Variants in IL6R observed in about 807,000 individuals in gnomAD.
IL6R encodes the protein interleukin 6 receptor.
A neutral mutation model predicts 48.3 loss-of-function variants in IL6R; 38 were observed. The ratio of observed to expected loss-of-function variants is 0.79; its 90% CI spans 0.61 to 1.03. The LOEUF (loss-of-function observed/expected upper bound fraction) is 1.03. Among genes scored for constraint, IL6R ranks in the 50% least tolerant of loss-of-function variants. The pLI is 0.00. For synonymous variants in IL6R, 264 were observed against 256.2 expected (o/e 1.03, Z -0.29); for missense variants, 534 against 618.3 (o/e 0.86, Z 1.45).
Position 154,434,509 on chromosome 1 carries a change from T to C in IL6R, c.459-10T>C, listed in dbSNP as rs1252783017. On this transcript the variant is annotated splice_polypyrimidine_tract_variant and intron_variant, in intron 3 of 9. Coordinates refer to ENST00000368485, the MANE Select transcript of IL6R (RefSeq NM_000565.4). ...ACAGGCAAGCCCTGCCCTTGTTTTG[T>C]GTCTAACAGTCAGAACAGTCCGGCC... 6.2e-7 allele frequency: 1 copy of C among 1,609,750 alleles called. No individual in the cohort carries two copies. Among genetic ancestry groups the C allele is most frequent in the African/African-American group, 1.3e-5 (1 of 74,842 alleles).
intron 6 of IL6R, chr1:154,445,069 G>T: frequency 2.2e-6 from 1 of 456,128 alleles, no homozygotes; most frequent in South Asian, 1.5e-5. Context: ...AGACCATCCC[G>T]GGTGGCATTT....
Position 154,405,529 on chromosome 1 carries a change from G to GACCCC in IL6R, c.-101_-100insACCCC. 2.3e-5 allele frequency: 9 copies of GACCCC among 388,508 alleles called. No homozygotes were observed. The highest frequency in any genetic ancestry group is 9.8e-5 in the South Asian group (4 of 40,874). 24.1% of individuals were successfully genotyped at this position (388,508 alleles called of 1,614,324 possible). A position where few individuals can be genotyped will look rare whatever the true frequency, so the allele number is the denominator to read the frequency against. Reference sequence around the variant, plus strand: ...CTGCCCCCGGGGCCTGAGCCCGCCTGCCCGCCCACCGCCCCGCCCCGCCCC... The same window carrying GACCCC: ...CTGCCCCCGGGGCCTGAGCCCGCCTGACCCCCCCGCCCACCGCCCCGCCCCGCCCC... On this transcript the variant is annotated 5_prime_UTR_variant, in exon 1 of 10. Coordinates refer to ENST00000368485, the MANE Select transcript of IL6R (RefSeq NM_000565.4). This position sits in a 1 kb window ranked among gnomAD's most constrained non-coding sequence, Gnocchi z 5.2.
chr1:154,459,739 T>C (rs1479441242), intron 9 of IL6R, among the ~76,000 whole-genome samples: 1 of 152,126 alleles, frequency 6.6e-6, no homozygotes, highest in East Asian at 1.9e-4. Context: ...CCCACCCTAT[T>C]CTCTGTCCCC....
Position 154,454,533 on chromosome 1 carries a change from G to T in IL6R, c.1112G>T (p.Gly371Val). Residue 371 changes from glycine to valine, a missense_variant, in exon 9 of 10, where the codon GGA becomes GTA. Gly to Val is a moderately radical substitution (Grantham distance 109). Transcript: ENST00000368485. ...SVPLPTFLVAGGSLAFGTLLC... is the reference protein window; with the variant it reads ...SVPLPTFLVAVGSLAFGTLLC... The stretch of plus-strand genomic sequence containing the variant: ...CCACTGCCCACATTCCTGGTTGCTG[G>T]AGGGAGCCTGGCCTTCGGAACGCTC... 2 of 1,613,906 alleles carry T rather than the reference G, an allele frequency of 1.2e-6. No homozygotes were observed. The highest frequency in any genetic ancestry group is 1.7e-6 in the Non-Finnish European group (2 of 1,179,906).
intron 6 of IL6R, 110 bp from the exon 7 acceptor site, chr1:154,448,015 G>C: frequency 1.1e-6 from 1 of 886,886 alleles, no homozygotes; most frequent in Non-Finnish European, 1.9e-6. Context: ...AGCCCATGCT[G>C]TTCTTTTAAA....
At position 154,447,441 on chromosome 1, in the gene IL6R, AAAAAAAAAAAAAAATATATATAT is replaced by A. The variant is rs1218461304; in HGVS notation, c.950-682_950-660del. ...GCAAAAGAGTGAAACTCCATCTCAA[AAAAAAAAAAAAAAATATATATAT>A]ATATATATATATACACACACACACA... On this transcript the variant is annotated intron_variant, in intron 6 of 9. Transcript: ENST00000368485. Among the ~76,000 whole-genome samples, 26 of 60,782 alleles carry A rather than the reference AAAAAAAAAAAAAAATATATATAT, an allele frequency of 4.3e-4. 2 individuals are homozygous for A. Among genetic ancestry groups the A allele is most frequent in the African/African-American group, 1.7e-3 (24 of 13,854 alleles). 39.9% of individuals were successfully genotyped at this position (60,782 alleles called of 152,430 possible).
intron 1 of IL6R, among the ~76,000 whole-genome samples, chr1:154,412,290 G>T (rs1203492631): frequency 6.6e-6 from 1 of 150,394 alleles, no homozygotes; most frequent in Non-Finnish European, 1.5e-5. Flanking sequence ...GTCTCACTGT[G>T]TTGCCCAGGC....
chr1:154,421,074 G>A (rs1333742786), intron 1 of IL6R, among the ~76,000 whole-genome samples: 3 of 152,130 alleles, frequency 2.0e-5, no homozygotes, highest in Non-Finnish European at 4.4e-5. Context: ...TTCTTAGCCT[G>A]GGCTGAAGCT....
intron 1 of IL6R, among the ~76,000 whole-genome samples, chr1:154,422,960 A>AGAT: frequency 6.6e-6 from 1 of 152,208 alleles, no homozygotes; most frequent in South Asian, 2.1e-4. Context: ...AAAAACAGAC[A>AGAT]GATGGGAGGA....
chr1:154,454,611 G>A, intron 9 of IL6R, 30 bp downstream of exon 9: 1 of 1,431,550 alleles, frequency 7.0e-7, no homozygotes, highest in Middle Eastern at 1.8e-4. Flanking sequence ...ATGGCCCTGT[G>A]GTGTTCTCAT....
At chr1:154,431,508 T>TTAG (rs1689293924) in intron 3 of IL6R, among the ~76,000 whole-genome samples, 1 of 152,172 alleles carries the variant, frequency 6.6e-6, no homozygotes, top group African/African-American at 2.4e-5. Context: ...CAGTAAGAGG[T>TTAG]TAGCAATAAC....
chr1:154,434,829 C>G (rs1214544924), intron 4 of IL6R, 129 bp downstream of exon 4: 1 of 1,201,606 alleles, frequency 8.3e-7, no homozygotes, highest in Non-Finnish European at 1.2e-6. Context: ...TTGGGCGTTG[C>G]TTGCCGGGAG....
chr1:154,408,218 A>G (rs1687838898), intron 1 of IL6R, among the ~76,000 whole-genome samples: 1 of 152,190 alleles, frequency 6.6e-6, no homozygotes, highest in Non-Finnish European at 1.5e-5. Context: ...AGGCACTGTC[A>G]GGTTTGAGGA....
At chr1:154,428,462 C>T (rs571222182) in intron 1 of IL6R, among the ~76,000 whole-genome samples, 48 of 152,322 alleles carry the variant, frequency 3.2e-4, no homozygotes, top group African/African-American at 1.1e-3. Flanking sequence ...GAATACCCTG[C>T]GATTTGGAAA....
intron 9 of IL6R, among the ~76,000 whole-genome samples, chr1:154,458,882 CAGA>C (rs1031339703): frequency 6.9e-6 from 1 of 144,612 alleles, no homozygotes; most frequent in African/African-American, 2.6e-5. Context: ...GCCTGGGCAG[CAGA>C]AGGAGACTCC....
chr1:154,464,301 C>A (rs1284534860), intron 9 of IL6R, among the ~76,000 whole-genome samples: 1 of 152,016 alleles, frequency 6.6e-6, no homozygotes, highest in Non-Finnish European at 1.5e-5. Context: ...ATTACAGGTG[C>A]CTGCCACTAC....
chr1:154,408,358 G>A (rs1328056608), intron 1 of IL6R, among the ~76,000 whole-genome samples: 4 of 152,100 alleles, frequency 2.6e-5, no homozygotes, highest in Non-Finnish European at 4.4e-5. Flanking sequence ...TTCTTGAGTC[G>A]GTGTAGAGCC....
At chr1:154,455,936 A>AGT (rs1273168257) in intron 9 of IL6R, among the ~76,000 whole-genome samples, 2 of 151,904 alleles carry the variant, frequency 1.3e-5, no homozygotes, top group African/African-American at 4.8e-5. Context: ...GCTTGACTGT[A>AGT]ATCCCAGCTA....
chr1:154,415,076 C>T, intron 1 of IL6R: 1 of 1,358,640 alleles, frequency 7.4e-7, no homozygotes, highest in Non-Finnish European at 1.0e-6. Flanking sequence ...CCAGCTCTTC[C>T]CTGCACTTGC....
Sources: gnomAD v4.1 joint callset for allele counts (sites outside exome capture counted in the v4.1 genomes callset) on GRCh38, gnomAD v4.1.1 for gene constraint, Gnocchi (gnomAD v3.1) non-coding constraint, MANE v1.5 for transcripts, NCBI Gene and HGNC (gene_info 2026-07-23, HGNC 2026-07-21) for gene names.